Variants in RGS6 observed in about 807,000 individuals in gnomAD.
RGS6 encodes regulator of G-protein signaling 6.
RGS6 carries 30 observed loss-of-function variants against 78.5 expected under a neutral mutation model. That is an observed-to-expected ratio of 0.38 (90% CI 0.29 to 0.52). The LOEUF (loss-of-function observed/expected upper bound fraction) is 0.52. Among genes scored for constraint, RGS6 ranks in the 20% least tolerant of loss-of-function variants. RGS6 has a pLI of 0.85. For missense variants in RGS6, 495 were observed against 609.7 expected (o/e 0.81, Z 1.98); for synonymous variants, 206 against 206.0 (o/e 1.00, Z 0.00).
the RGS6 span, among the ~76,000 whole-genome samples, chr14:72,607,605 G>A: frequency 6.6e-6 from 1 of 152,220 alleles, no homozygotes; most frequent in East Asian, 1.9e-4. Flanking sequence ...TGGGGTTAAA[G>A]CAGAAATGTG....
intron 1 of RGS6, among the ~76,000 whole-genome samples, chr14:71,943,124 C>T (rs1464858985): frequency 6.6e-6 from 1 of 152,190 alleles, no homozygotes; most frequent in Non-Finnish European, 1.5e-5. Flanking sequence ...GGAAATACCC[C>T]AGGCACCTGT....
chr14:72,573,548 G>C, the RGS6 span, among the ~76,000 whole-genome samples: 13 of 152,214 alleles, frequency 8.5e-5, no homozygotes, highest in African/African-American at 3.1e-4. Flanking sequence ...AGATGCCCCT[G>C]TGTTTCCTTT....
intron 11 of RGS6, 89 bp downstream of exon 11, chr14:72,476,929 C>T: frequency 8.4e-7 from 1 of 1,183,694 alleles, no homozygotes; most frequent in African/African-American, 1.5e-5. Flanking sequence ...ATTGAGCAAG[C>T]TTTGAGTTCC....
intron 13 of RGS6, among the ~76,000 whole-genome samples, chr14:72,502,566 C>T (rs1413834692): frequency 1.3e-5 from 2 of 152,178 alleles, no homozygotes; most frequent in African/African-American, 4.8e-5. Flanking sequence ...GAGTTTGAGA[C>T]CAGCCTGGCC....
chr14:72,510,161 C>T lies in RGS6; in HGVS notation c.973C>T (p.Pro325Ser). 2 of 1,607,462 alleles carry T rather than the reference C, an allele frequency of 1.2e-6. No individual in the cohort carries two copies. Among genetic ancestry groups the T allele is most frequent in the East Asian group, 2.2e-5 (1 of 44,768 alleles). The change falls in exon 14 of 18, where the codon CCC becomes TCC. Residue 325 changes from proline to serine, a missense_variant. Pro to Ser is a moderately conservative substitution (Grantham distance 74). Transcript: ENST00000553525. ...ALWDIEMSKE[P>S]SQQRVKRWGF... ...TCTTCCTTCACCCCAAAGCAAAGAG[C>T]CCAGCCAACAGCGAGTAAAAAGATG...
intron 2 of RGS6, among the ~76,000 whole-genome samples, chr14:72,073,601 C>A (rs2094478586): frequency 6.6e-6 from 1 of 152,156 alleles, no homozygotes. Context: ...ACACTGGGAC[C>A]ACTTAGACAT....
chr14:72,191,332 G>A (rs2097322725), intron 2 of RGS6, among the ~76,000 whole-genome samples: 1 of 152,166 alleles, frequency 6.6e-6, no homozygotes, highest in Admixed American at 6.5e-5. Context: ...GACTTGAGAG[G>A]CCACTGCAGC....
At chr14:72,034,416 T>G (rs1213696958) in intron 2 of RGS6, among the ~76,000 whole-genome samples, 2 of 140,440 alleles carry the variant, frequency 1.4e-5, no homozygotes, top group Non-Finnish European at 3.1e-5. Flanking sequence ...TTTTTTTTTT[T>G]GGCACCAATT....
At chr14:72,190,700 C>G (rs988820142) in intron 2 of RGS6, among the ~76,000 whole-genome samples, 1 of 152,218 alleles carries the variant, frequency 6.6e-6, no homozygotes, top group African/African-American at 2.4e-5. Flanking sequence ...CTAGGAGATA[C>G]AATGCAAGGG....
intron 1 of RGS6, among the ~76,000 whole-genome samples, chr14:71,959,941 T>G (rs975848644): frequency 3.3e-5 from 5 of 152,206 alleles, no homozygotes; most frequent in Non-Finnish European, 7.3e-5. Context: ...CATAGTAGCC[T>G]TAATGAGGCT....
upstream of RGS6, among the ~76,000 whole-genome samples, chr14:71,930,212 T>G (rs527777607): frequency 2.6e-4 from 40 of 152,336 alleles, no homozygotes; most frequent in African/African-American, 9.4e-4. Flanking sequence ...ATTTTACACC[T>G]TCATCTCCAA....
intron 3 of RGS6, among the ~76,000 whole-genome samples, chr14:72,435,458 A>C (rs959136718): frequency 6.6e-6 from 1 of 152,208 alleles, no homozygotes; most frequent in Non-Finnish European, 1.5e-5. Flanking sequence ...GGTTACTAAG[A>C]TCTGGCCAAA....
At chr14:72,178,247 C>G (rs1295241839) in intron 2 of RGS6, among the ~76,000 whole-genome samples, 1 of 152,246 alleles carries the variant, frequency 6.6e-6, no homozygotes, top group African/African-American at 2.4e-5. Context: ...CAGACATTGC[C>G]TAAGGCTGTG....
At chr14:72,103,733 G>A (rs2153530420) in intron 2 of RGS6, among the ~76,000 whole-genome samples, 1 of 152,338 alleles carries the variant, frequency 6.6e-6, no homozygotes, top group African/African-American at 2.4e-5. Flanking sequence ...GCTCCCGGAA[G>A]TATGCTGGAA....
chr14:72,154,624 T>C (rs1350398144), intron 2 of RGS6, among the ~76,000 whole-genome samples: 1 of 152,216 alleles, frequency 6.6e-6, no homozygotes, highest in Non-Finnish European at 1.5e-5. Context: ...GGGGATCTAA[T>C]GTCTGACTTT....
intron 2 of RGS6, among the ~76,000 whole-genome samples, chr14:72,298,758 T>C (rs1193745106): frequency 6.6e-6 from 1 of 152,162 alleles, no homozygotes; most frequent in Non-Finnish European, 1.5e-5. Flanking sequence ...CTAATGTTTT[T>C]ATAACTTGCT....
intron 2 of RGS6, among the ~76,000 whole-genome samples, chr14:72,049,103 A>T (rs2093060480): frequency 6.6e-6 from 1 of 152,112 alleles, no homozygotes; most frequent in African/African-American, 2.4e-5. Context: ...TATAACAGTG[A>T]AAAAAATTTT....
At chr14:72,422,497 G>A (rs918802595) in intron 3 of RGS6, among the ~76,000 whole-genome samples, 4 of 152,308 alleles carry the variant, frequency 2.6e-5, no homozygotes, top group Non-Finnish European at 5.9e-5. Context: ...GAGCTGCAGA[G>A]TCAAGTGGGC....
the RGS6 span, among the ~76,000 whole-genome samples, chr14:72,583,709 G>A: frequency 2.6e-5 from 4 of 152,156 alleles, no homozygotes; most frequent in African/African-American, 9.7e-5. Context: ...GATGCCCCAG[G>A]CCTCACGGGG....
Sources: gnomAD v4.1 joint callset for allele counts (sites outside exome capture counted in the v4.1 genomes callset) on GRCh38, gnomAD v4.1.1 for gene constraint, MANE v1.5 for transcripts, NCBI Gene and HGNC (gene_info 2026-07-23, HGNC 2026-07-21) for gene names.